The following COL24A1 variants were observed in gnomAD, a reference collection of about 807,000 sequenced individuals.
COL24A1 encodes the protein collagen type XXIV alpha 1 chain, also known as collagen alpha-1(XXIV) chain.
A neutral mutation model predicts 253.9 loss-of-function variants in COL24A1; 224 were observed. The observed-to-expected ratio is 0.88, with a 90% CI of 0.79 to 0.99. The LOEUF is 0.99. Among genes scored for constraint, COL24A1 ranks in the 50% least tolerant of loss-of-function variants. The pLI is 0.00. For missense variants in COL24A1, 2,131 were observed against 2,068.5 expected (o/e 1.03, Z -0.59); for synonymous variants, 685 against 673.7 (o/e 1.02, Z -0.26).
At chr1:85,995,256 T>A (rs7551636) in intron 19 of COL24A1, among the ~76,000 whole-genome samples, 74,288 of 149,524 alleles carry the variant, frequency 0.5, 18,511 homozygotes, top group East Asian at 0.61. Context: ...ATTAAAAAAA[T>A]TTTTTTTTTT....
chr1:86,092,180 A>G (rs566115253), intron 6 of COL24A1, 87 bp downstream of exon 6: 168 of 1,000,720 alleles, frequency 1.7e-4, no homozygotes, highest in Non-Finnish European at 2.4e-4. Context: ...TGTCTGATAC[A>G]GTAAAATCTA....
intron 31 of COL24A1, among the ~76,000 whole-genome samples, chr1:85,892,481 G>A (rs1683232715): frequency 6.6e-6 from 1 of 152,082 alleles, no homozygotes; most frequent in Non-Finnish European, 1.5e-5. Context: ...ATGTTCTATA[G>A]GTTACAGGAA....
In COL24A1 at chr1:85,831,495, A is replaced by G. The variant is rs531671030; in HGVS notation, c.3681+7090T>C. On this transcript the variant is annotated intron_variant, in intron 43 of 59. Transcript: ENST00000370571. ...CCTGCATTCTAAGAGTTTTGTTACA[A>G]TTACTTTGGTTTATCACTCTAAAAA... 1.8e-4 allele frequency among the ~76,000 whole-genome samples: 28 copies of G among 152,206 alleles called. No homozygotes were observed. The South Asian group carries it at 4.8e-3, about 26-fold the overall frequency.
chr1:86,084,474 T>C (rs1244056062), intron 7 of COL24A1, among the ~76,000 whole-genome samples: 1 of 152,148 alleles, frequency 6.6e-6, no homozygotes, highest in Non-Finnish European at 1.5e-5. Context: ...TTTCTCACAA[T>C]ATTGACTTGC....
intron 5 of COL24A1, among the ~76,000 whole-genome samples, chr1:86,107,509 ATTT>A (rs1705103469): frequency 3.5e-5 from 1 of 28,874 alleles, no homozygotes; most frequent in Non-Finnish European, 6.2e-5. Flanking sequence ...CACAATGGTA[ATTT>A]ATTTATTTAT....
intron 7 of COL24A1, among the ~76,000 whole-genome samples, chr1:86,068,548 G>A (rs760582261): frequency 3.3e-5 from 5 of 152,136 alleles, no homozygotes; most frequent in Admixed American, 6.5e-5. Context: ...TCTAGGACAC[G>A]ACAACTGCAA....
intron 24 of COL24A1, among the ~76,000 whole-genome samples, chr1:85,923,406 C>G (rs1686771841): frequency 6.6e-6 from 1 of 152,104 alleles, no homozygotes; most frequent in Admixed American, 6.5e-5. Context: ...CCAAAATTGA[C>G]CACATAGTTG....
chr1:85,921,436 C>T (rs1053172171), intron 24 of COL24A1, among the ~76,000 whole-genome samples: 4 of 152,074 alleles, frequency 2.6e-5, no homozygotes, highest in African/African-American at 4.8e-5. Context: ...GCCAAGTATA[C>T]AGGCAGGTGC....
chr1:85,773,309 C>G (rs1318565936), intron 53 of COL24A1, among the ~76,000 whole-genome samples: 1 of 152,138 alleles, frequency 6.6e-6, no homozygotes, highest in Admixed American at 6.5e-5. Context: ...AGTGTGATGA[C>G]TCCAGCTTTA....
intron 28 of COL24A1, among the ~76,000 whole-genome samples, chr1:85,906,607 A>G (rs1356581197): frequency 6.6e-6 from 1 of 151,890 alleles, no homozygotes; most frequent in Admixed American, 6.6e-5. Flanking sequence ...TTGAGATAAT[A>G]TATGAAAGAG....
intron 24 of COL24A1, among the ~76,000 whole-genome samples, chr1:85,951,138 A>G (rs1398023862): frequency 6.6e-6 from 1 of 152,240 alleles, no homozygotes; most frequent in Non-Finnish European, 1.5e-5. Context: ...TTTAAAAATT[A>G]CCTTTCATTT....
At chr1:85,793,487 AAG>A (rs1670506191) in intron 47 of COL24A1, among the ~76,000 whole-genome samples, 1 of 151,988 alleles carries the variant, frequency 6.6e-6, no homozygotes, top group Non-Finnish European at 1.5e-5. Context: ...GAGGGAAGGA[AAG>A]AGAGGGGAGA....
chr1:86,151,476 G>T (rs12072806), intron 1 of COL24A1, among the ~76,000 whole-genome samples: 12,751 of 152,132 alleles, frequency 0.084, 628 homozygotes, highest in East Asian at 0.22. Flanking sequence ...GATATTGATA[G>T]CTAACAAAAT....
intron 48 of COL24A1, among the ~76,000 whole-genome samples, chr1:85,785,621 C>G (rs1391512940): frequency 1.3e-5 from 2 of 152,194 alleles, no homozygotes; most frequent in Non-Finnish European, 2.9e-5. Context: ...TAAACATTAA[C>G]AGAAGACTAA....
At chr1:85,769,233 A>C (rs1179727630) in intron 53 of COL24A1, among the ~76,000 whole-genome samples, 1 of 152,210 alleles carries the variant, frequency 6.6e-6, no homozygotes, top group Non-Finnish European at 1.5e-5. Context: ...TTAAAACAAA[A>C]ATCAACAGTT....
chr1:85,996,857 A>G (rs1694844358), intron 19 of COL24A1, among the ~76,000 whole-genome samples: 1 of 151,704 alleles, frequency 6.6e-6, no homozygotes, highest in African/African-American at 2.4e-5. Context: ...TGGAGTGGGA[A>G]GTTAGGTGAT....
intron 10 of COL24A1, among the ~76,000 whole-genome samples, chr1:86,056,891 C>A (rs565976974): frequency 4.9e-4 from 74 of 150,274 alleles, no homozygotes; most frequent in Non-Finnish European, 6.7e-4. Context: ...ACAACAACAA[C>A]AAAAAATATT....
At chr1:85,816,336 T>G (rs1313824854) in intron 47 of COL24A1, among the ~76,000 whole-genome samples, 1 of 152,082 alleles carries the variant, frequency 6.6e-6, no homozygotes, top group Non-Finnish European at 1.5e-5. Context: ...ATGAATTAGA[T>G]GAACACAGAG....
chr1:85,966,240 G>A (rs571109231), intron 22 of COL24A1, among the ~76,000 whole-genome samples: 132 of 152,170 alleles, frequency 8.7e-4, no homozygotes, highest in African/African-American at 3.1e-3. Context: ...AAGAGTAGCA[G>A]ACCAAATGAA....
Sources: gnomAD v4.1 joint callset for allele counts (sites outside exome capture counted in the v4.1 genomes callset) on GRCh38, gnomAD v4.1.1 for gene constraint, MANE v1.5 for transcripts, NCBI Gene and HGNC (gene_info 2026-07-23, HGNC 2026-07-21) for gene names.